Variants in RNF13 observed in about 807,000 individuals in gnomAD.
RNF13 encodes E3 ubiquitin-protein ligase RNF13.
Under a neutral mutation model 37.7 loss-of-function variants are expected in RNF13, and 19 were observed. The ratio of observed to expected loss-of-function variants is 0.50; its 90% CI spans 0.35 to 0.74. The LOEUF is 0.74. Among genes scored for constraint, RNF13 ranks in the 30% least tolerant of loss-of-function variants. The pLI is 0.01. For missense variants in RNF13, 375 were observed against 453.0 expected (o/e 0.83, Z 1.56); for synonymous variants, 144 against 157.8 (o/e 0.91, Z 0.65).
At chr3:149,958,227 T>C (rs968372997) in intron 8 of RNF13, among the ~76,000 whole-genome samples, 17 of 152,190 alleles carry the variant, frequency 1.1e-4, no homozygotes, top group Non-Finnish European at 2.4e-4. Context: ...GGTTAGAAGT[T>C]TGACACAGGT....
chr3:149,953,815 G>A (rs1451439688), intron 8 of RNF13, among the ~76,000 whole-genome samples: 1 of 152,168 alleles, frequency 6.6e-6, no homozygotes, highest in Non-Finnish European at 1.5e-5. Context: ...AATTCACAAG[G>A]TGTGTGGTGG....
chr3:149,837,519 A>G (rs186017154), intron 1 of RNF13, among the ~76,000 whole-genome samples: 73 of 152,308 alleles, frequency 4.8e-4, no homozygotes, highest in African/African-American at 1.8e-3. Context: ...ACATCACTGG[A>G]GAGGCCTCAC....
At chr3:149,897,738 A>G (rs1031933780) in intron 5 of RNF13, among the ~76,000 whole-genome samples, 1 of 152,232 alleles carries the variant, frequency 6.6e-6, no homozygotes, top group Admixed American at 6.5e-5. Context: ...AGAAAAGCAT[A>G]GATTTATCAG....
chr3:149,829,670 T>C (rs568906506), intron 1 of RNF13, among the ~76,000 whole-genome samples: 1 of 152,344 alleles, frequency 6.6e-6, no homozygotes, highest in Non-Finnish European at 1.5e-5. Flanking sequence ...TTGTTGTTTT[T>C]GTTTTGTTTT....
chr3:149,910,187 G>A (rs1186931181), intron 6 of RNF13, among the ~76,000 whole-genome samples: 3 of 152,100 alleles, frequency 2.0e-5, no homozygotes, highest in East Asian at 1.9e-4. Context: ...GGTATGTGCC[G>A]GGAACAGGGA....
chr3:149,916,619 G>T (rs1368365772), intron 7 of RNF13, among the ~76,000 whole-genome samples: 2 of 152,010 alleles, frequency 1.3e-5, no homozygotes, highest in South Asian at 4.2e-4. Context: ...TTGTCTGGTT[G>T]TATGTCTGGT....
At chr3:149,888,529 G>C (rs931186925) in intron 4 of RNF13, among the ~76,000 whole-genome samples, 4 of 152,144 alleles carry the variant, frequency 2.6e-5, no homozygotes, top group African/African-American at 9.7e-5. Context: ...CCTTTTCTCT[G>C]TTCTTCAAAC....
chr3:149,829,144 C>G (rs972579792), intron 1 of RNF13, among the ~76,000 whole-genome samples: 1 of 152,134 alleles, frequency 6.6e-6, no homozygotes, highest in Non-Finnish European at 1.5e-5. Flanking sequence ...CTTTGCCACC[C>G]AGGCTGGTGT....
At chr3:149,857,628 A>G (rs1373139941) in intron 3 of RNF13, among the ~76,000 whole-genome samples, 1 of 152,188 alleles carries the variant, frequency 6.6e-6, no homozygotes, top group African/African-American at 2.4e-5. Flanking sequence ...TTTGGAAAAC[A>G]TGTTTTGTCT....
chr3:149,883,587 G>C (rs993478610), intron 4 of RNF13, among the ~76,000 whole-genome samples: 2 of 151,806 alleles, frequency 1.3e-5, no homozygotes, highest in African/African-American at 2.4e-5. Flanking sequence ...ATCCTTGTCT[G>C]CTATTCATAA....
intron 8 of RNF13, among the ~76,000 whole-genome samples, chr3:149,937,274 G>C (rs1191653869): frequency 6.6e-6 from 1 of 152,126 alleles, no homozygotes; most frequent in East Asian, 1.9e-4. Flanking sequence ...ACCCTAGACG[G>C]TAGGGAAACT....
chr3:149,817,413 C>T (rs1038719242), intron 1 of RNF13: 3 of 152,202 alleles, frequency 2.0e-5, no homozygotes, highest in East Asian at 1.9e-4. Context: ...GGATTCTCAC[C>T]GTAAGAATTT....
chr3:149,855,897 T>A (rs1327018350), intron 3 of RNF13, among the ~76,000 whole-genome samples: 1 of 152,212 alleles, frequency 6.6e-6, no homozygotes, highest in African/African-American at 2.4e-5. Context: ...TGCATTTCTC[T>A]GATTACTAAT....
chr3:149,898,209 A>G (rs1348696654), intron 5 of RNF13, among the ~76,000 whole-genome samples: 1 of 152,240 alleles, frequency 6.6e-6, no homozygotes, highest in Non-Finnish European at 1.5e-5. Context: ...AGAGGAGCCT[A>G]GATGAGGAGT....
At chr3:149,831,543 C>T (rs896424598) in intron 1 of RNF13, among the ~76,000 whole-genome samples, 1 of 152,176 alleles carries the variant, frequency 6.6e-6, no homozygotes, top group Non-Finnish European at 1.5e-5. Context: ...TTGACCAATG[C>T]CTGTCCCCTC....
At chr3:149,874,471 A>G (rs546970880) in intron 4 of RNF13, among the ~76,000 whole-genome samples, 23 of 152,206 alleles carry the variant, frequency 1.5e-4, no homozygotes, top group Non-Finnish European at 3.1e-4. Flanking sequence ...TGGGAGGATC[A>G]AATGAACTAA....
chr3:149,907,770 A>T (rs954707434), intron 6 of RNF13, among the ~76,000 whole-genome samples: 11 of 152,242 alleles, frequency 7.2e-5, no homozygotes, highest in African/African-American at 2.4e-4. Flanking sequence ...CATAAATGTT[A>T]ATGCTTACCT....
intron 8 of RNF13, among the ~76,000 whole-genome samples, chr3:149,953,116 T>C (rs532087170): frequency 1.4e-4 from 20 of 146,076 alleles, no homozygotes; most frequent in African/African-American, 4.5e-4. Flanking sequence ...AAAGTTGGAT[T>C]TTTTTTTTTT....
upstream of RNF13, chr3:149,813,100 G>A (rs1237011372): frequency 6.6e-6 from 1 of 152,284 alleles, no homozygotes; most frequent in Non-Finnish European, 1.5e-5. Flanking sequence ...AGAGCAAGTA[G>A]CGAGACTCCG....
Sources: gnomAD v4.1 joint callset for allele counts (sites outside exome capture counted in the v4.1 genomes callset) on GRCh38, gnomAD v4.1.1 for gene constraint, MANE v1.5 for transcripts, NCBI Gene and HGNC (gene_info 2026-07-23, HGNC 2026-07-21) for gene names.